Variants in ACYP2 observed in about 807,000 individuals in gnomAD.
The protein encoded by ACYP2 is acylphosphatase-2.
Under a neutral mutation model 11.2 loss-of-function variants are expected in ACYP2, and 12 were observed. That is an observed-to-expected ratio of 1.08 (90% CI 0.69 to 1.74). The LOEUF is 1.74. ACYP2 is among the 40% of genes most tolerant of loss of function. The pLI is 0.00. For missense variants in ACYP2, 134 were observed against 101.9 expected, an observed-to-expected ratio of 1.31 and a Z score of -1.35; for synonymous variants, 43 against 32.2, an observed-to-expected ratio of 1.33 and a Z score of -1.13.
At chr2:53,974,993 A>C (rs952683911) in intron 2 of ACYP2, among the ~76,000 whole-genome samples, 1 of 152,124 alleles carries the variant, frequency 6.6e-6, no homozygotes, top group Admixed American at 6.6e-5. Context: ...GATCTAGAAG[A>C]ATAGAAATGT....
At chr2:54,216,551 T>G (rs1685568151) in intron 6 of ACYP2, among the ~76,000 whole-genome samples, 1 of 152,002 alleles carries the variant, frequency 6.6e-6, no homozygotes, top group African/African-American at 2.4e-5. Flanking sequence ...CATTTTTTTT[T>G]TTTTGAGACA....
chr2:53,980,553 TAAAAAATA>T (rs1239780400), intron 2 of ACYP2, among the ~76,000 whole-genome samples: 1 of 151,698 alleles, frequency 6.6e-6, no homozygotes, highest in African/African-American at 2.4e-5. Context: ...CTCATCTCTA[TAAAAAATA>T]AAAAAATAAA....
At position 54,243,486 on chromosome 2, in the gene ACYP2, ATTTG is replaced by A. The variant is rs979869926; in HGVS notation, c.405-61199_405-61196del. Among the ~76,000 whole-genome samples the A allele has an allele frequency of 4.9e-4, 74 of 152,154 alleles. No homozygotes were observed. In the South Asian group the frequency reaches 7.9e-3, roughly 16 times the overall value. ...CATAGTCCATCTTATTTATTTATTT[ATTTG>A]TTCATTCATTCATTTATTTTTTGAG... On this transcript the variant is annotated intron_variant, in intron 6 of 6. Coordinates refer to ENST00000607452, the MANE Select transcript of ACYP2 (RefSeq NM_001320586.2).
intron 6 of ACYP2, among the ~76,000 whole-genome samples, chr2:54,265,240 A>C (rs1440486154): frequency 6.6e-6 from 1 of 152,178 alleles, no homozygotes; most frequent in Admixed American, 6.5e-5. Context: ...GAGGCCTCAC[A>C]ATCTTGGTGG....
intron 2 of ACYP2, among the ~76,000 whole-genome samples, chr2:54,004,133 G>A (rs1398608021): frequency 3.3e-5 from 5 of 151,918 alleles, no homozygotes; most frequent in Admixed American, 1.3e-4. Context: ...ACAGACATGC[G>A]CCGCCATGCC....
At chr2:54,294,734 G>A (rs777835076) in intron 6 of ACYP2, among the ~76,000 whole-genome samples, 2 of 151,408 alleles carry the variant, frequency 1.3e-5, no homozygotes, top group Non-Finnish European at 2.9e-5. Flanking sequence ...AACATAGTGA[G>A]ACCCCATCTC....
At chr2:53,973,174 A>G (rs1372703941) in intron 1 of ACYP2, among the ~76,000 whole-genome samples, 3 of 152,228 alleles carry the variant, frequency 2.0e-5, no homozygotes, top group Non-Finnish European at 4.4e-5. Context: ...GAAAGGGTTT[A>G]TTGGATAGTT....
intron 4 of ACYP2, among the ~76,000 whole-genome samples, chr2:54,102,638 CAAAAAAAAAAAAAA>C (rs58842257): frequency 3.3e-3 from 272 of 83,298 alleles, no homozygotes; most frequent in Non-Finnish European, 4.6e-3. Flanking sequence ...TGGCTTAAGC[CAAAAAAAAAAAAAA>C]AAAAAAAAAA....
At chr2:54,034,991 C>A (rs1157441546) in intron 2 of ACYP2, among the ~76,000 whole-genome samples, 2 of 84,702 alleles carry the variant, frequency 2.4e-5, no homozygotes, top group East Asian at 7.8e-4. Context: ...GCCCAGGCGA[C>A]AGTGCGAGAC....
intron 4 of ACYP2, among the ~76,000 whole-genome samples, chr2:54,126,877 C>A (rs534697321): frequency 1.3e-5 from 2 of 151,226 alleles, no homozygotes; most frequent in South Asian, 4.2e-4. Flanking sequence ...TAAGTTGGAC[C>A]CGGGAGGTGG....
intron 2 of ACYP2, among the ~76,000 whole-genome samples, chr2:53,993,513 C>T (rs978425071): frequency 4.6e-5 from 7 of 151,966 alleles, no homozygotes; most frequent in Non-Finnish European, 5.9e-5. Context: ...ACCTAGCCAA[C>T]GTGGCGAAAC....
chr2:54,237,495 T>C (rs1255626855), intron 6 of ACYP2, among the ~76,000 whole-genome samples: 1 of 152,208 alleles, frequency 6.6e-6, no homozygotes, highest in Non-Finnish European at 1.5e-5. Context: ...ATGTTTTTTT[T>C]CTCTACTTCA....
chr2:54,213,274 T>C (rs1282676498), intron 6 of ACYP2, among the ~76,000 whole-genome samples: 1 of 152,232 alleles, frequency 6.6e-6, no homozygotes, highest in Non-Finnish European at 1.5e-5. Flanking sequence ...ATGATTTCAC[T>C]CTTTTTTGTG....
chr2:54,128,878 C>T (rs572559898), intron 4 of ACYP2, among the ~76,000 whole-genome samples: 1 of 152,230 alleles, frequency 6.6e-6, no homozygotes, highest in African/African-American at 2.4e-5. Flanking sequence ...CTCTGAAACA[C>T]TCAAAACACT....
chr2:54,106,536 T>C (rs1036152609), intron 4 of ACYP2, among the ~76,000 whole-genome samples: 16 of 152,292 alleles, frequency 1.1e-4, no homozygotes, highest in African/African-American at 3.6e-4. Flanking sequence ...AGTAGATGCA[T>C]ATGCTGTCAA....
chr2:53,982,873 T>TGA (rs1553348048), intron 2 of ACYP2, among the ~76,000 whole-genome samples: 3 of 135,648 alleles, frequency 2.2e-5, no homozygotes, highest in African/African-American at 5.8e-5. Context: ...TGTGTGTGTG[T>TGA]GATATAAATA....
At chr2:54,175,821 G>C (rs1683434248) in intron 6 of ACYP2, among the ~76,000 whole-genome samples, 1 of 152,124 alleles carries the variant, frequency 6.6e-6, no homozygotes, top group Admixed American at 6.6e-5. Context: ...ACTATGGTCT[G>C]AATGTTTGTA....
At chr2:54,185,926 T>C (rs1185798744) in intron 6 of ACYP2, among the ~76,000 whole-genome samples, 3 of 151,836 alleles carry the variant, frequency 2.0e-5, no homozygotes, top group African/African-American at 7.2e-5. Flanking sequence ...AAAAGGTAAA[T>C]TGTTAAAATA....
intron 6 of ACYP2, among the ~76,000 whole-genome samples, chr2:54,219,652 TCTGTTGCCCAG>T (rs1481988716): frequency 4.6e-5 from 7 of 151,984 alleles, no homozygotes; most frequent in Non-Finnish European, 8.8e-5. Context: ...GGAGTCTCGC[TCTGTTGCCCAG>T]GCTGGAGTGC....
Sources: allele counts gnomAD v4.1 joint callset (sites outside exome capture counted in the v4.1 genomes callset), GRCh38; gene constraint gnomAD v4.1.1; transcripts MANE v1.5; gene names NCBI Gene and HGNC (gene_info 2026-07-23, HGNC 2026-07-21).